UBE2V2: variants seen among roughly 807,000 people sequenced by gnomAD.
UBE2V2 encodes ubiquitin conjugating enzyme E2 V2.
UBE2V2 carries 9 observed loss-of-function variants against 17.2 expected under a neutral mutation model. That is an observed-to-expected ratio of 0.52 (90% CI 0.32 to 0.91). The LOEUF is 0.91. Among genes scored for constraint, UBE2V2 ranks in the 40% least tolerant of loss-of-function variants. UBE2V2 has a pLI of 0.04. For synonymous variants in UBE2V2, 61 were observed against 57.5 expected, an observed-to-expected ratio of 1.06 and a Z score of -0.28; for missense variants, 133 against 182.6, an observed-to-expected ratio of 0.73 and a Z score of 1.56.
In UBE2V2 at chr8:48,063,665, G is replaced by T. The variant is rs1279442916; in HGVS notation, c.*2837G>T. On this transcript the variant is annotated 3_prime_UTR_variant, in exon 4 of 4. Coordinates refer to ENST00000523111, the MANE Select transcript of UBE2V2 (RefSeq NM_003350.3). ...TCTAAAGTAATGTCTTTTGTTGTGG[G>T]TTTATGTGTAACTACAGGATTTTGG... 1 of 151,996 alleles carries T rather than the reference G, an allele frequency of 6.6e-6. No homozygotes were observed. Among genetic ancestry groups the T allele is most frequent in the Middle Eastern group, 3.2e-3 (1 of 316 alleles). 9.4% of individuals were successfully genotyped at this position (151,996 alleles called of 1,614,324 possible).
the UBE2V2 span, among the ~76,000 whole-genome samples, chr8:47,997,532 T>C: frequency 6.6e-6 from 1 of 151,974 alleles, no homozygotes; most frequent in Non-Finnish European, 1.5e-5. Context: ...TACAGAATAA[T>C]ATAGAGATCA....
intron 1 of UBE2V2, among the ~76,000 whole-genome samples, chr8:48,021,597 C>T (rs571096350): frequency 2.0e-5 from 3 of 152,176 alleles, no homozygotes; most frequent in South Asian, 2.1e-4. Flanking sequence ...TGAGCCACTG[C>T]GCCCGGCCGG....
At chr8:48,054,100 C>T (rs368902242) in intron 3 of UBE2V2, among the ~76,000 whole-genome samples, 3 of 152,202 alleles carry the variant, frequency 2.0e-5, no homozygotes, top group African/African-American at 4.8e-5. Flanking sequence ...TGAGCCACCA[C>T]GTCTGGCCAA....
intron 1 of UBE2V2, among the ~76,000 whole-genome samples, chr8:48,017,141 C>A (rs1229390121): frequency 6.6e-6 from 1 of 151,944 alleles, no homozygotes; most frequent in African/African-American, 2.4e-5. Context: ...TGAGGTGATA[C>A]CTCATGTGGG....
intron 2 of UBE2V2, among the ~76,000 whole-genome samples, chr8:48,046,703 C>T (rs1378500408): frequency 6.6e-6 from 1 of 152,124 alleles, no homozygotes; most frequent in Non-Finnish European, 1.5e-5. Context: ...CTCAAACAAT[C>T]CTCCCACCTT....
At chr8:48,010,661 G>GTGT (rs1477347188) in intron 1 of UBE2V2, among the ~76,000 whole-genome samples, 10 of 149,914 alleles carry the variant, frequency 6.7e-5, no homozygotes. Flanking sequence ...CAAATTGCTG[G>GTGT]GATTACAGGT....
intron 2 of UBE2V2, among the ~76,000 whole-genome samples, chr8:48,044,145 G>C (rs1183352888): frequency 6.6e-6 from 1 of 150,626 alleles, no homozygotes; most frequent in Non-Finnish European, 1.5e-5. Context: ...AGTTCCTCCT[G>C]ATGATGATGA....
chr8:48,008,322 G>A (rs539573753), upstream of UBE2V2: 743 of 1,241,120 alleles, frequency 6.0e-4, 15 homozygotes, highest in South Asian at 0.011. Flanking sequence ...CCACGTGCGC[G>A]CTGTCCCTCG....
chr8:48,007,466 A>G (rs2091191466), upstream of UBE2V2, among the ~76,000 whole-genome samples: 1 of 150,410 alleles, frequency 6.6e-6, no homozygotes, highest in African/African-American at 2.4e-5. Flanking sequence ...TACACTAATA[A>G]CAGACAAACA....
chr8:48,047,589 G>C (rs1446888254), intron 2 of UBE2V2, among the ~76,000 whole-genome samples: 1 of 146,916 alleles, frequency 6.8e-6, no homozygotes, highest in African/African-American at 2.5e-5. Context: ...AGACAGTCTT[G>C]CTTTGCCACC....
At chr8:48,008,566 G>A (rs1269998737) in intron 1 of UBE2V2, 96 bp downstream of exon 1, 1 of 1,466,030 alleles carries the variant, frequency 6.8e-7, no homozygotes, top group Non-Finnish European at 9.0e-7. Flanking sequence ...TGCGGGAGAA[G>A]CCCGAGTGCG....
intron 1 of UBE2V2, among the ~76,000 whole-genome samples, chr8:48,032,002 G>A (rs1481432040): frequency 6.6e-6 from 1 of 151,990 alleles, no homozygotes; most frequent in African/African-American, 2.4e-5. Flanking sequence ...TGAAATATCC[G>A]AAGTGGATAT....
intron 1 of UBE2V2, among the ~76,000 whole-genome samples, chr8:48,011,997 C>T (rs2091235200): frequency 6.6e-6 from 1 of 152,126 alleles, no homozygotes; most frequent in South Asian, 2.1e-4. Flanking sequence ...ATCTGGTCTT[C>T]TTATTTTGCA....
chr8:48,031,679 G>A (rs923113268), intron 1 of UBE2V2, among the ~76,000 whole-genome samples: 1 of 151,846 alleles, frequency 6.6e-6, no homozygotes, highest in African/African-American at 2.4e-5. Context: ...TTTTTGAGAC[G>A]GAGTCTTGCT....
chr8:48,053,677 C>T (rs564752102), intron 3 of UBE2V2, among the ~76,000 whole-genome samples: 4 of 151,494 alleles, frequency 2.6e-5, no homozygotes, highest in African/African-American at 4.9e-5. Context: ...CCGCCCGCCT[C>T]GGCCTCCCAA....
chr8:48,003,497 C>T (rs1332536093), upstream of UBE2V2, among the ~76,000 whole-genome samples: 1 of 152,050 alleles, frequency 6.6e-6, no homozygotes, highest in East Asian at 1.9e-4. Context: ...CAACAATGTT[C>T]CCAGGGCGCA....
chr8:47,998,456 G>T, the UBE2V2 span, among the ~76,000 whole-genome samples: 1 of 151,942 alleles, frequency 6.6e-6, no homozygotes, highest in African/African-American at 2.4e-5. Context: ...CCTGGAGGCC[G>T]GAGGAAGCCC....
chr8:48,055,490 T>C (rs1250812076), intron 3 of UBE2V2, among the ~76,000 whole-genome samples: 1 of 152,002 alleles, frequency 6.6e-6, no homozygotes, highest in East Asian at 1.9e-4. Context: ...TGTGAGCCAT[T>C]GCGCCTGCTG....
intron 1 of UBE2V2, among the ~76,000 whole-genome samples, chr8:48,019,861 C>G (rs928691007): frequency 6.6e-6 from 1 of 151,962 alleles, no homozygotes; most frequent in African/African-American, 2.4e-5. Flanking sequence ...TATAATTCCA[C>G]TTGGGAGGCT....
Sources: allele counts gnomAD v4.1 joint callset (sites outside exome capture counted in the v4.1 genomes callset), GRCh38; gene constraint gnomAD v4.1.1; transcripts MANE v1.5; gene names NCBI Gene and HGNC (gene_info 2026-07-23, HGNC 2026-07-21).